IFT172: variants seen among roughly 807,000 people sequenced by gnomAD.
The protein encoded by IFT172 is intraflagellar transport 172, also known as intraflagellar transport protein 172 homolog.
IFT172 carries 164 observed loss-of-function variants against 248.9 expected under a neutral mutation model. The ratio of observed to expected loss-of-function variants is 0.66; its 90% confidence interval spans 0.58 to 0.75. IFT172 has a LOEUF of 0.75. IFT172 is among the 30% of genes least tolerant of loss of function. The probability of loss-of-function intolerance (pLI) is 0.00; values close to 1 mark genes in which losing one functional copy is unlikely to be tolerated. For synonymous variants in IFT172, 729 were observed against 791.6 expected, an observed-to-expected ratio of 0.92 and a Z score of 1.33; for missense variants, 1,950 against 2,192.4, an observed-to-expected ratio of 0.89 and a Z score of 2.21.
intron 3 of IFT172, among the ~76,000 whole-genome samples, chr2:27,484,809 G>A (rs1374245270): frequency 6.6e-6 from 1 of 152,160 alleles, no homozygotes; most frequent in Admixed American, 6.5e-5. Flanking sequence ...AGGGCCTCCT[G>A]TTGACCTTGG....
At chr2:27,459,008 T>C (rs1453736572) in intron 25 of IFT172, 140 bp from the exon 26 acceptor site, 3 of 814,408 alleles carry the variant, frequency 3.7e-6, no homozygotes, top group Admixed American at 3.0e-5. Context: ...AAGATGAGTA[T>C]GGGTGTCTCA....
rs1423915197 is a variant in IFT172 at position 27,445,163 on chromosome 2, TGAG to T, written c.5069-61_5069-59del. The T allele has an allele frequency of 1.2e-6, 2 of 1,606,506 alleles. No individual in the cohort carries two copies. Among genetic ancestry groups the T allele is most frequent in the East Asian group, 2.2e-5 (1 of 44,776 alleles). ...TTGAGAGAGATTGAGGAGGGAAAAA[TGAG>T]GAGCAGCCTGGGGGGTAGAAAGCAC... On this transcript the variant is annotated intron_variant, in intron 46 of 47. Transcript: ENST00000260570. This position sits in a 1 kb window ranked among gnomAD's most constrained non-coding sequence, Gnocchi z 4.4.
At chr2:27,488,252 C>T (rs1464376207) in intron 1 of IFT172, among the ~76,000 whole-genome samples, 1 of 152,114 alleles carries the variant, frequency 6.6e-6, no homozygotes, top group Non-Finnish European at 1.5e-5. Flanking sequence ...CTCCCGGGTT[C>T]AAGCGATTCT....
chr2:27,453,379 C>T lies in IFT172; in HGVS notation c.3951+5G>A, dbSNP rs368765495. 1 of 1,614,176 alleles carries T rather than the reference C, an allele frequency of 6.2e-7. No individual in the cohort carries two copies. Among genetic ancestry groups the T allele is most frequent in the Non-Finnish European group, 8.5e-7 (1 of 1,180,022 alleles). On this transcript the variant is annotated splice_donor_5th_base_variant and intron_variant, in intron 35 of 47. Coordinates refer to ENST00000260570, the MANE Select transcript of IFT172 (RefSeq NM_015662.3). ...GGAGGGCCAGAAAGGGCCTGCTGTC[C>T]TCACCTTCATCCAGCACTTCTCCGC...
In IFT172 at chr2:27,477,886, A is replaced by T. The variant is rs1668082427; in HGVS notation, c.1167+109T>A. On this transcript the variant is annotated intron_variant, in intron 11 of 47. Transcript: ENST00000260570. ...TCCCTGAAACCAGGTCCCCTACACC[A>T]GAATGTTAGAACTTCTCATGGAGAG... 5.0e-6 allele frequency: 7 copies of T among 1,388,100 alleles called. No individual in the cohort carries two copies. The East Asian group carries it at 1.6e-4, about 32-fold the overall frequency. The allele number at this position is 1,388,100 out of a possible 1,614,324, so 86.0% of individuals were successfully genotyped here.
At chr2:27,447,049 G>GC (rs1665199186) in intron 42 of IFT172, among the ~76,000 whole-genome samples, 2 of 151,736 alleles carry the variant, frequency 1.3e-5, no homozygotes, top group Admixed American at 1.3e-4. Flanking sequence ...CACCACGTTG[G>GC]CCAGGCTGGT....
At chr2:27,450,346 C>G (rs1422383417) in intron 35 of IFT172, among the ~76,000 whole-genome samples, 2 of 152,200 alleles carry the variant, frequency 1.3e-5, no homozygotes, top group Non-Finnish European at 2.9e-5. Context: ...CCTGAGGTCA[C>G]TGCATTTGAA....
chr2:27,484,802 G>A (rs1470781094), intron 3 of IFT172, among the ~76,000 whole-genome samples: 1 of 152,112 alleles, frequency 6.6e-6, no homozygotes, highest in Non-Finnish European at 1.5e-5. Context: ...ATCTCACAGG[G>A]CCTCCTGTTG....
At chr2:27,471,140 G>A (rs778882411) in intron 15 of IFT172, 45 bp from the exon 16 acceptor site, 7 of 1,583,424 alleles carry the variant, frequency 4.4e-6, no homozygotes, top group Non-Finnish European at 6.0e-6. Context: ...GGGGATGTGG[G>A]GTTGTCTCCT....
chr2:27,458,703 G>A, intron 26 of IFT172, 76 bp downstream of exon 26: 1 of 1,536,340 alleles, frequency 6.5e-7, no homozygotes, highest in Non-Finnish European at 8.9e-7. Flanking sequence ...GCGAAGAGGA[G>A]AAACAGGTAT....
chr2:27,470,870 C>T lies in IFT172; in HGVS notation c.1692+58G>A, dbSNP rs1275650594. On this transcript the variant is annotated intron_variant, in intron 16 of 47. Transcript: ENST00000260570. The stretch of plus-strand genomic sequence containing the variant: ...AACCAAGTAGCCTTCAGAGTCTCCT[C>T]ATGGCTCTAATTAATCAGCTCAATA... The T allele has an allele frequency of 4.8e-6, 7 of 1,472,420 alleles. No individual in the cohort carries two copies. In the African/African-American group the frequency reaches 8.6e-5, roughly 18 times the overall value. The allele number at this position is 1,472,420 out of a possible 1,614,324, so 91.2% of individuals were successfully genotyped here.
chr2:27,459,662 C>T (rs367926690), intron 24 of IFT172, 47 bp downstream of exon 24: 1 of 1,608,252 alleles, frequency 6.2e-7, no homozygotes, highest in African/African-American at 1.3e-5. Flanking sequence ...GCTCCACTGC[C>T]CCTCACTTCA....
chr2:27,463,081 G>A lies in IFT172; in HGVS notation c.2022+16C>T. Reference sequence around the variant, plus strand: ...CTTGGGAGACAGACAGAATGAATCAGGAGCATAATACTTGCATATTCCCGG... The same window carrying A: ...CTTGGGAGACAGACAGAATGAATCAAGAGCATAATACTTGCATATTCCCGG... On this transcript the variant is annotated intron_variant, in intron 19 of 47. Transcript: ENST00000260570. 1 of 1,611,634 alleles carries A rather than the reference G, an allele frequency of 6.2e-7. No homozygotes were observed.
In IFT172 at chr2:27,473,020, A is replaced by G. The variant is rs567062069; in HGVS notation, c.1412-658T>C. On this transcript the variant is annotated intron_variant, in intron 14 of 47. Coordinates refer to ENST00000260570, the MANE Select transcript of IFT172 (RefSeq NM_015662.3). ...TGCTTAAGCTAAAGACCAAATGTCC[A>G]CTGGTGTCCATAATTGTGAAGACCA... Among the ~76,000 whole-genome samples, 7 of 152,272 alleles carry G rather than the reference A, an allele frequency of 4.6e-5. No homozygotes were observed. The South Asian group carries it at 1.5e-3, about 32-fold the overall frequency.
At chr2:27,483,044 C>T (rs556409285) in intron 7 of IFT172, among the ~76,000 whole-genome samples, 1 of 148,602 alleles carries the variant, frequency 6.7e-6, no homozygotes, top group South Asian at 2.1e-4. Context: ...GTTCTGTCAC[C>T]CAGGCTGTAG....
intron 35 of IFT172, chr2:27,453,122 G>A (rs1193389776): frequency 8.5e-6 from 5 of 589,754 alleles, no homozygotes; most frequent in Non-Finnish European, 1.6e-5. Context: ...ATGCACTTTA[G>A]TCTTTACTCA....
chr2:27,455,183 G>A (rs1666050501), intron 30 of IFT172: 2 of 302,736 alleles, frequency 6.6e-6, no homozygotes, highest in South Asian at 3.3e-5. Flanking sequence ...CCTGGCTGAT[G>A]TGCTCAAGAG....
At chr2:27,457,789 G>A (rs778508307) in intron 28 of IFT172, 34 bp from the exon 29 acceptor site, 3 of 1,614,146 alleles carry the variant, frequency 1.9e-6, no homozygotes, top group Non-Finnish European at 1.7e-6. Flanking sequence ...GAGAGATGGG[G>A]AGATGGAGCC....
At position 27,477,323 on chromosome 2, in the gene IFT172, G is replaced by A. The variant is rs980459281; in HGVS notation, c.1222-3C>T. The A allele has an allele frequency of 6.2e-7, 1 of 1,612,034 alleles. No homozygotes were observed. Among genetic ancestry groups the A allele is most frequent in the African/African-American group, 1.3e-5 (1 of 74,970 alleles). ...CCGGCATTGAAGATCATGCATACCT[G>A]GGAAAAATGGAGTTGTTATACGGTG... On this transcript the variant is annotated splice_region_variant and splice_polypyrimidine_tract_variant and intron_variant, in intron 12 of 47. Coordinates refer to ENST00000260570, the MANE Select transcript of IFT172 (RefSeq NM_015662.3).
Sources: gnomAD v4.1 joint callset for allele counts (sites outside exome capture counted in the v4.1 genomes callset) on GRCh38, gnomAD v4.1.1 for gene constraint, Gnocchi (gnomAD v3.1) non-coding constraint, MANE v1.5 for transcripts, NCBI Gene and HGNC (gene_info 2026-07-23, HGNC 2026-07-21) for gene names.